Variants in RORA observed in about 807,000 individuals in gnomAD.
RORA encodes RAR related orphan receptor A, also known as nuclear receptor ROR-alpha.
A neutral mutation model predicts 69.5 loss-of-function variants in RORA; 7 were observed. The observed-to-expected ratio is 0.10, with a 90% CI of 0.06 to 0.19. The LOEUF (loss-of-function observed/expected upper bound fraction) is 0.19, where lower values mean the gene tolerates loss of function less well. Among genes scored for constraint, RORA ranks in the 10% least tolerant of loss-of-function variants. The pLI, the probability that RORA is intolerant of heterozygous loss-of-function variation, is 1.00. For synonymous variants in RORA, 261 were observed against 240.8 expected (o/e 1.08, Z -0.78); for missense variants, 457 against 663.0 (o/e 0.69, Z 3.41).
At chr15:61,068,814 C>G (rs775265492) in intron 1 of RORA, among the ~76,000 whole-genome samples, 13 of 152,172 alleles carry the variant, frequency 8.5e-5, no homozygotes, top group Non-Finnish European at 1.8e-4. Flanking sequence ...CTTGGGCACA[C>G]AAGCAGTTAA....
chr15:60,915,629 T>G (rs556632614), intron 1 of RORA, among the ~76,000 whole-genome samples: 5 of 152,040 alleles, frequency 3.3e-5, no homozygotes, highest in Non-Finnish European at 5.9e-5. Context: ...AATTCTTAAT[T>G]TTATATCATT....
chr15:60,618,312 A>C (rs1402224429), intron 2 of RORA, among the ~76,000 whole-genome samples: 1 of 152,208 alleles, frequency 6.6e-6, no homozygotes, highest in African/African-American at 2.4e-5. Context: ...CCTCTGCTAC[A>C]TTGCTCTCTG....
chr15:60,820,014 C>T (rs1175325022), intron 1 of RORA, among the ~76,000 whole-genome samples: 1 of 152,252 alleles, frequency 6.6e-6, no homozygotes, highest in African/African-American at 2.4e-5. Flanking sequence ...ACAACCACGC[C>T]TCTCCCTAAC....
In RORA at chr15:61,019,924, A is replaced by T. The variant is rs564367644; in HGVS notation, c.166+209129T>A. Among the ~76,000 whole-genome samples the T allele has an allele frequency of 6.4e-4, 98 of 152,150 alleles. 1 individual carries two copies. The highest frequency in any genetic ancestry group is 2.7e-3 in the Admixed American group (42 of 15,284). ...AAAGCTTCTTCTGATTTCTGCTCCG[A>T]CACCAACTTCCCGTCCTCTGACCTC... On this transcript the variant is annotated intron_variant, in intron 1 of 10. Transcript: ENST00000335670.
chr15:60,505,394 G>C, intron 6 of RORA, 114 bp downstream of exon 6: 2 of 1,071,622 alleles, frequency 1.9e-6, no homozygotes, highest in South Asian at 1.5e-5. Flanking sequence ...TATTTAAACA[G>C]AAACCTGATG....
intron 1 of RORA, among the ~76,000 whole-genome samples, chr15:61,079,533 C>G (rs940708586): frequency 6.6e-6 from 1 of 152,186 alleles, no homozygotes; most frequent in Non-Finnish European, 1.5e-5. Context: ...GCTACGTCGA[C>G]TAGTTCATCT....
intron 1 of RORA, among the ~76,000 whole-genome samples, chr15:61,102,416 G>A (rs1311238650): frequency 6.6e-6 from 1 of 152,152 alleles, no homozygotes; most frequent in African/African-American, 2.4e-5. Flanking sequence ...GTGAGTTCTG[G>A]CCTTGGCTGC....
chr15:61,227,127 G>C (rs931857318), intron 1 of RORA, among the ~76,000 whole-genome samples: 1 of 149,956 alleles, frequency 6.7e-6, no homozygotes, highest in African/African-American at 2.5e-5. Flanking sequence ...ATAACACAGG[G>C]TGTGGGGGGG....
chr15:60,685,863 T>C (rs560226598), intron 1 of RORA, among the ~76,000 whole-genome samples: 1 of 152,332 alleles, frequency 6.6e-6, no homozygotes, highest in South Asian at 2.1e-4. Context: ...CATTTAGATA[T>C]ACTAATTATG....
intron 1 of RORA, among the ~76,000 whole-genome samples, chr15:61,090,196 C>G (rs1432989077): frequency 6.6e-6 from 1 of 152,198 alleles, no homozygotes. Flanking sequence ...TGAGGATCAA[C>G]CATTTCACCA....
chr15:60,788,955 T>G (rs2072378788), intron 1 of RORA, among the ~76,000 whole-genome samples: 1 of 152,228 alleles, frequency 6.6e-6, no homozygotes, highest in Non-Finnish European at 1.5e-5. Flanking sequence ...TATGCTTGGT[T>G]TAATTTACAT....
intron 2 of RORA, among the ~76,000 whole-genome samples, chr15:60,627,905 G>A (rs1174575694): frequency 6.6e-6 from 1 of 152,180 alleles, no homozygotes; most frequent in Non-Finnish European, 1.5e-5. Context: ...TTGTTTAGAT[G>A]TGTGTCTCCT....
At chr15:61,163,768 C>A (rs2079517411) in intron 1 of RORA, among the ~76,000 whole-genome samples, 1 of 152,146 alleles carries the variant, frequency 6.6e-6, no homozygotes, top group East Asian at 1.9e-4. Context: ...TCACACAGCT[C>A]GCACACAATC....
At chr15:60,641,778 G>T (rs912584977) in intron 2 of RORA, among the ~76,000 whole-genome samples, 2 of 152,002 alleles carry the variant, frequency 1.3e-5, no homozygotes, top group Non-Finnish European at 2.9e-5. Flanking sequence ...TAATTTTAAA[G>T]AAACACAATT....
chr15:60,788,249 G>C lies in RORA; in HGVS notation c.167-109563C>G, dbSNP rs1340832834. ...TATGAAGAACATGTTGTTGCACCAG[G>C]GTCCCTGATGATGCACAAGACACAT... is the stretch of plus-strand genomic sequence containing the variant. On this transcript the variant is annotated intron_variant, in intron 1 of 10. Transcript: ENST00000335670. Among the ~76,000 whole-genome samples, 4 of 152,274 alleles carry C rather than the reference G, an allele frequency of 2.6e-5. No individual in the cohort carries two copies. The East Asian group carries it at 7.7e-4, about 29-fold the overall frequency.
At chr15:60,843,709 G>T (rs187314037) in intron 1 of RORA, among the ~76,000 whole-genome samples, 10 of 152,290 alleles carry the variant, frequency 6.6e-5, no homozygotes, top group Admixed American at 5.2e-4. Flanking sequence ...AAAGCCAAAG[G>T]CTGAGTCAGA....
intron 1 of RORA, among the ~76,000 whole-genome samples, chr15:61,074,289 A>G (rs1372375620): frequency 6.6e-6 from 1 of 152,206 alleles, no homozygotes; most frequent in African/African-American, 2.4e-5. Context: ...TCAAAGGAAA[A>G]TAAGACTGGT....
intron 1 of RORA, among the ~76,000 whole-genome samples, chr15:61,201,632 A>AT (rs534216149): frequency 6.6e-6 from 1 of 152,004 alleles, no homozygotes; most frequent in South Asian, 2.1e-4. Flanking sequence ...GTGCTTAGTA[A>AT]TTTTTTTTCT....
intron 1 of RORA, among the ~76,000 whole-genome samples, chr15:60,707,449 C>T (rs780850571): frequency 1.9e-4 from 29 of 151,694 alleles, no homozygotes; most frequent in Non-Finnish European, 3.8e-4. Context: ...CTGCAAGCTC[C>T]GCCTCCCGGG....
Sources: allele counts gnomAD v4.1 joint callset (sites outside exome capture counted in the v4.1 genomes callset), GRCh38; gene constraint gnomAD v4.1.1; transcripts MANE v1.5; gene names NCBI Gene and HGNC (gene_info 2026-07-23, HGNC 2026-07-21).